The following TAFA1 variants were observed in gnomAD, a reference collection of about 807,000 sequenced individuals.
The protein encoded by TAFA1 is TAFA chemokine like family member 1.
In TAFA1, 4 loss-of-function variants were observed where a neutral mutation model predicts 18.5. That is an observed-to-expected ratio of 0.22 (90% CI 0.11 to 0.49). TAFA1 has a LOEUF of 0.49. TAFA1 is among the 20% of genes least tolerant of loss of function. The pLI, the probability that TAFA1 is intolerant of heterozygous loss-of-function variation, is 0.98. For missense variants in TAFA1, 147 were observed against 169.0 expected, an observed-to-expected ratio of 0.87 and a Z score of 0.72; for synonymous variants, 56 against 55.2, an observed-to-expected ratio of 1.01 and a Z score of -0.06.
At chr3:68,401,394 G>A (rs1049847275) in intron 2 of TAFA1, among the ~76,000 whole-genome samples, 2 of 152,034 alleles carry the variant, frequency 1.3e-5, no homozygotes, top group African/African-American at 2.4e-5. Context: ...ATTGTGAATC[G>A]CAGAAAATCT....
At chr3:68,417,565 G>C in intron 3 of TAFA1, 145 bp downstream of exon 3, 1 of 753,384 alleles carries the variant, frequency 1.3e-6, no homozygotes, top group Non-Finnish European at 2.1e-6. Flanking sequence ...AGCCTCAGCA[G>C]AGTTTGAATT....
At chr3:68,396,337 A>C (rs1472615710) in intron 2 of TAFA1, among the ~76,000 whole-genome samples, 1 of 152,186 alleles carries the variant, frequency 6.6e-6, no homozygotes, top group Non-Finnish European at 1.5e-5. Flanking sequence ...CAAGAGCTAG[A>C]ATGTTACCAG....
At chr3:68,338,559 A>G (rs2069017324) in intron 2 of TAFA1, among the ~76,000 whole-genome samples, 1 of 152,156 alleles carries the variant, frequency 6.6e-6, no homozygotes, top group African/African-American at 2.4e-5. Flanking sequence ...AGGATTCTCA[A>G]TTCATCCTTA....
At chr3:68,453,909 G>A (rs1358101496) in intron 3 of TAFA1, among the ~76,000 whole-genome samples, 1 of 152,094 alleles carries the variant, frequency 6.6e-6, no homozygotes, top group Non-Finnish European at 1.5e-5. Context: ...TTGACACTCT[G>A]CTGGAAATCT....
intron 3 of TAFA1, among the ~76,000 whole-genome samples, chr3:68,437,283 G>C (rs2071282645): frequency 6.6e-6 from 1 of 150,808 alleles, no homozygotes. Context: ...TGCTATTCTT[G>C]GCACAATGTT....
At chr3:68,504,056 A>G (rs2072707131) in intron 3 of TAFA1, among the ~76,000 whole-genome samples, 1 of 152,162 alleles carries the variant, frequency 6.6e-6, no homozygotes, top group Admixed American at 6.6e-5. Flanking sequence ...ATATTTTTAA[A>G]GCATAATATA....
In TAFA1 at chr3:68,215,565, A is replaced by G. The variant is rs147808198; in HGVS notation, c.119-201715A>G. On this transcript the variant is annotated intron_variant, in intron 2 of 4. Transcript: ENST00000478136. ...GTGAAAGATATTGTTAAGAGAATGA[A>G]AAGACAAGCCATGACTGGGGAGAAA... 2.5e-3 allele frequency among the ~76,000 whole-genome samples: 373 copies of G among 152,192 alleles called. 2 individuals carry two copies. The highest frequency in any genetic ancestry group is 8.6e-3 in the African/African-American group (358 of 41,554).
chr3:68,238,966 T>C (rs899217006), intron 2 of TAFA1, among the ~76,000 whole-genome samples: 1 of 152,116 alleles, frequency 6.6e-6, no homozygotes, highest in African/African-American at 2.4e-5. Context: ...ATATCCCACT[T>C]TTTTGATTTA....
At chr3:68,392,546 A>C (rs2070283627) in intron 2 of TAFA1, among the ~76,000 whole-genome samples, 1 of 152,174 alleles carries the variant, frequency 6.6e-6, no homozygotes, top group Non-Finnish European at 1.5e-5. Context: ...ATCTCAAATC[A>C]ACAGAATATA....
intron 2 of TAFA1, among the ~76,000 whole-genome samples, chr3:68,213,244 G>T (rs1389151230): frequency 2.0e-5 from 3 of 151,898 alleles, no homozygotes; most frequent in Non-Finnish European, 4.4e-5. Flanking sequence ...TGAAGGAAAT[G>T]TTGGAAAAAT....
chr3:68,329,214 G>T (rs7639716), intron 2 of TAFA1, among the ~76,000 whole-genome samples: 12 of 131,088 alleles, frequency 9.2e-5, no homozygotes, highest in Admixed American at 2.4e-4. Context: ...ATGCCTGGCT[G>T]CCTTTTTTTT....
chr3:68,019,932 C>A (rs533072569), intron 2 of TAFA1, among the ~76,000 whole-genome samples: 3 of 152,332 alleles, frequency 2.0e-5, no homozygotes, highest in African/African-American at 7.2e-5. Flanking sequence ...CAGATTCAAC[C>A]TCTGAATCCT....
At chr3:68,116,594 A>T (rs2065327591) in intron 2 of TAFA1, among the ~76,000 whole-genome samples, 1 of 152,218 alleles carries the variant, frequency 6.6e-6, no homozygotes, top group Admixed American at 6.5e-5. Flanking sequence ...AACTTTTTAA[A>T]AAGTAATGCT....
intron 4 of TAFA1, among the ~76,000 whole-genome samples, chr3:68,541,161 T>A (rs1239321969): frequency 6.6e-6 from 1 of 152,228 alleles, no homozygotes; most frequent in East Asian, 1.9e-4. Flanking sequence ...CTGAGAATTC[T>A]CAAGTCTGTC....
chr3:68,074,149 TATG>T (rs1217960356), intron 2 of TAFA1, among the ~76,000 whole-genome samples: 2 of 152,174 alleles, frequency 1.3e-5, no homozygotes, highest in East Asian at 3.9e-4. Flanking sequence ...ATCTCACACC[TATG>T]CAGTTCACAA....
intron 2 of TAFA1, among the ~76,000 whole-genome samples, chr3:68,329,590 C>G (rs1394555255): frequency 6.6e-6 from 1 of 152,166 alleles, no homozygotes; most frequent in Non-Finnish European, 1.5e-5. Context: ...AAACAAGACT[C>G]TTGTGAATTT....
chr3:68,197,924 C>T (rs781477627), intron 2 of TAFA1, among the ~76,000 whole-genome samples: 3 of 151,608 alleles, frequency 2.0e-5, no homozygotes, highest in Non-Finnish European at 4.4e-5. Context: ...TAACTCTGGT[C>T]CTGCTAGAAT....
intron 2 of TAFA1, among the ~76,000 whole-genome samples, chr3:68,370,364 A>T (rs1178702947): frequency 1.2e-5 from 1 of 81,066 alleles, no homozygotes; most frequent in Non-Finnish European, 2.5e-5. Context: ...ACACACACAC[A>T]CACATATATA....
At chr3:68,455,884 A>G (rs575067476) in intron 3 of TAFA1, among the ~76,000 whole-genome samples, 6 of 152,218 alleles carry the variant, frequency 3.9e-5, no homozygotes, top group African/African-American at 1.4e-4. Flanking sequence ...TCTCCTACAT[A>G]GCACTGACAA....
Sources: gnomAD v4.1 joint callset for allele counts (sites outside exome capture counted in the v4.1 genomes callset) on GRCh38, gnomAD v4.1.1 for gene constraint, MANE v1.5 for transcripts, NCBI Gene and HGNC (gene_info 2026-07-23, HGNC 2026-07-21) for gene names.